Variants in SCCPDH observed in about 807,000 individuals in gnomAD.
SCCPDH encodes saccharopine dehydrogenase (putative).
SCCPDH carries 34 observed loss-of-function variants against 51.5 expected under a neutral mutation model. The ratio of observed to expected loss-of-function variants is 0.66; its 90% CI spans 0.50 to 0.88. The LOEUF (loss-of-function observed/expected upper bound fraction) is 0.88. SCCPDH is among the 40% of genes least tolerant of loss of function. SCCPDH has a pLI of 0.00. For synonymous variants in SCCPDH, 187 were observed against 191.3 expected (o/e 0.98, Z 0.19); for missense variants, 464 against 527.1 (o/e 0.88, Z 1.17).
chr1:246,732,628 T>C (rs1455386590), intron 2 of SCCPDH, among the ~76,000 whole-genome samples: 3 of 152,174 alleles, frequency 2.0e-5, no homozygotes, highest in Admixed American at 2.0e-4. Flanking sequence ...CCTCAGGTGA[T>C]CCACCTGCCT....
rs528856201 is a variant in SCCPDH, at chr1:246,737,601, T to C, written c.384+1546T>C. Among the ~76,000 whole-genome samples, 9 of 150,656 alleles carry C rather than the reference T, an allele frequency of 6.0e-5. No homozygotes were observed. The South Asian group carries it at 1.3e-3, about 21-fold the overall frequency. The stretch of plus-strand genomic sequence containing the variant: ...ATAAAAGTAGTATCGAACCCCCCCC[T>C]TTTTTTTTGATACAGGGTCTCTCTC... On this transcript the variant is annotated intron_variant, in intron 3 of 11. Coordinates refer to ENST00000366510, the MANE Select transcript of SCCPDH (RefSeq NM_016002.3).
chr1:246,735,847 CT>C, intron 2 of SCCPDH, 127 bp from the exon 3 acceptor site: 1 of 625,332 alleles, frequency 1.6e-6, no homozygotes, highest in Non-Finnish European at 2.8e-6. Context: ...CTGAATTTAT[CT>C]TTAGGCTATT....
At chr1:246,753,280 C>T (rs1025181465) in intron 5 of SCCPDH, among the ~76,000 whole-genome samples, 1 of 152,098 alleles carries the variant, frequency 6.6e-6, no homozygotes. Flanking sequence ...TTCATCTCTT[C>T]TTACATACAC....
intron 5 of SCCPDH, among the ~76,000 whole-genome samples, chr1:246,750,086 G>T (rs1007905398): frequency 6.6e-6 from 1 of 152,198 alleles, no homozygotes; most frequent in Non-Finnish European, 1.5e-5. Flanking sequence ...GGACCCAGGT[G>T]TAATGAGTCC....
At chr1:246,762,371 A>G (rs1669029571) in intron 9 of SCCPDH, among the ~76,000 whole-genome samples, 1 of 152,222 alleles carries the variant, frequency 6.6e-6, no homozygotes, top group African/African-American at 2.4e-5. Context: ...TTGGTAGTGC[A>G]GGCTTCCATC....
intron 3 of SCCPDH, among the ~76,000 whole-genome samples, chr1:246,739,522 G>C (rs919469150): frequency 2.0e-5 from 3 of 152,090 alleles, no homozygotes; most frequent in Admixed American, 1.3e-4. Flanking sequence ...CAGAAAAAGG[G>C]GTTCAGTTAA....
intron 9 of SCCPDH, among the ~76,000 whole-genome samples, chr1:246,763,447 C>G (rs1669047388): frequency 6.6e-6 from 1 of 152,128 alleles, no homozygotes; most frequent in Non-Finnish European, 1.5e-5. Flanking sequence ...ATCCCTTCTT[C>G]CCTTTAAATA....
At chr1:246,729,343 G>A (rs568233037) in intron 2 of SCCPDH, among the ~76,000 whole-genome samples, 12 of 150,824 alleles carry the variant, frequency 8.0e-5, no homozygotes, top group Non-Finnish European at 1.6e-4. Context: ...GGAGACCAGG[G>A]TGTATTTCAT....
intron 5 of SCCPDH, among the ~76,000 whole-genome samples, chr1:246,748,395 G>A (rs556209365): frequency 1.3e-5 from 2 of 152,344 alleles, no homozygotes; most frequent in South Asian, 2.1e-4. Flanking sequence ...TAAGGCGCTC[G>A]TTGTGCTCCC....
In SCCPDH at chr1:246,760,075, A is replaced by G. The variant is rs775115777; in HGVS notation, c.932A>G (p.Lys311Arg). The stretch of plus-strand genomic sequence containing the variant: ...GGAATTGGAAGGCAACTTCTCATAA[A>G]AGTAAGTAAGATTTTATGAAATTAG... ...RFGIGRQLLI[K>R]FPWFFSFGYF... Residue 311 changes from lysine (K) to arginine (R), a missense_variant and splice_region_variant, in exon 8 of 12, where the codon AAA (lysine) becomes AGA (arginine). By Grantham distance (26) the Lys-to-Arg change is conservative. Transcript: ENST00000366510. 43 of 1,609,480 alleles carry G rather than the reference A, an allele frequency of 2.7e-5. No individual in the cohort carries two copies. Among genetic ancestry groups the G allele is most frequent in the Non-Finnish European group, 3.6e-5 (42 of 1,178,326 alleles).
At position 246,767,192 on chromosome 1, in the gene SCCPDH, T is replaced by G; in HGVS notation, c.1185-3T>G. The G allele has an allele frequency of 6.3e-7, 1 of 1,599,276 alleles. No homozygotes were observed. Among genetic ancestry groups the G allele is most frequent in the Admixed American group, 1.7e-5 (1 of 58,028 alleles). On this transcript the variant is annotated splice_region_variant and splice_polypyrimidine_tract_variant and intron_variant, in intron 11 of 11. Transcript: ENST00000366510. The stretch of plus-strand genomic sequence containing the variant: ...ACTGTTTTCTCTTGTTATTGTTTTA[T>G]AGGGGCGGGGTCTTCACACCTGGAG...
At chr1:246,728,007 A>G (rs1028077825) in intron 2 of SCCPDH, among the ~76,000 whole-genome samples, 1 of 150,680 alleles carries the variant, frequency 6.6e-6, no homozygotes, top group Non-Finnish European at 1.5e-5. Flanking sequence ...AGGATGAGCA[A>G]TGGAATGGTG....
At chr1:246,748,177 G>A (rs1668791649) in intron 5 of SCCPDH, among the ~76,000 whole-genome samples, 1 of 152,108 alleles carries the variant, frequency 6.6e-6, no homozygotes. Flanking sequence ...TTTAGTTAGT[G>A]CTGCATCTGT....
intron 9 of SCCPDH, 62 bp from the exon 10 acceptor site, chr1:246,764,184 T>G (rs1007439396): frequency 1.0e-6 from 1 of 982,390 alleles, no homozygotes; most frequent in African/African-American, 1.6e-5. Context: ...TAGTCGGTTT[T>G]ACTATGTTCC....
In SCCPDH at chr1:246,767,974, A is replaced by G. The variant is rs1462316872; in HGVS notation, c.*674A>G. 1 of 152,196 alleles carries G rather than the reference A, an allele frequency of 6.6e-6. No individual in the cohort carries two copies. Among genetic ancestry groups the G allele is most frequent in the Non-Finnish European group, 1.5e-5 (1 of 68,044 alleles). The allele number at this position is 152,196 out of a possible 1,614,324, so 9.4% of individuals were successfully genotyped here. A position where few individuals can be genotyped will look rare whatever the true frequency, so the allele number is the denominator to read the frequency against. Reference sequence around the variant, plus strand: ...ATTCTATATCTGTGACTAGGTTTTTAAGGATACAGCTTATAAGTTGCTATC... The same window carrying G: ...ATTCTATATCTGTGACTAGGTTTTTGAGGATACAGCTTATAAGTTGCTATC... On this transcript the variant is annotated 3_prime_UTR_variant, in exon 12 of 12. Transcript: ENST00000366510.
intron 4 of SCCPDH, among the ~76,000 whole-genome samples, chr1:246,740,873 G>T (rs546560997): frequency 1.3e-5 from 2 of 152,198 alleles, no homozygotes; most frequent in African/African-American, 4.8e-5. Flanking sequence ...TCGAGGCCAA[G>T]AGTTCAGGAC....
chr1:246,750,039 A>G (rs1263823348), intron 5 of SCCPDH, among the ~76,000 whole-genome samples: 1 of 152,122 alleles, frequency 6.6e-6, no homozygotes, highest in Non-Finnish European at 1.5e-5. Context: ...TGGCCCTGGA[A>G]TAGCTGTCCA....
intron 4 of SCCPDH, among the ~76,000 whole-genome samples, chr1:246,741,316 A>G (rs1246956143): frequency 6.6e-6 from 1 of 152,190 alleles, no homozygotes; most frequent in African/African-American, 2.4e-5. Context: ...ATAAAATTTT[A>G]ATCCAGTGCC....
chr1:246,735,200 A>G (rs1435686599), intron 2 of SCCPDH, among the ~76,000 whole-genome samples: 1 of 152,238 alleles, frequency 6.6e-6, no homozygotes, highest in Non-Finnish European at 1.5e-5. Flanking sequence ...GAAACTTGTT[A>G]GCATGGCACA....
Sources: gnomAD v4.1 joint callset for allele counts (sites outside exome capture counted in the v4.1 genomes callset) on GRCh38, gnomAD v4.1.1 for gene constraint, MANE v1.5 for transcripts, NCBI Gene and HGNC (gene_info 2026-07-23, HGNC 2026-07-21) for gene names.